CERS3: variants seen among roughly 807,000 people sequenced by gnomAD.
CERS3 encodes LAG1 homolog, ceramide synthase 3.
In CERS3, 33 loss-of-function variants were observed where a neutral mutation model predicts 50.3. The ratio of observed to expected loss-of-function variants is 0.66; its 90% CI spans 0.50 to 0.88. CERS3 has a LOEUF of 0.88. Ranked by LOEUF, CERS3 falls within the 40% of genes least tolerant of loss-of-function variation. The probability of loss-of-function intolerance (pLI) is 0.00; values close to 1 mark genes in which losing one functional copy is unlikely to be tolerated. For missense variants in CERS3, 470 were observed against 460.3 expected, an observed-to-expected ratio of 1.02 and a Z score of -0.19; for synonymous variants, 176 against 155.2, an observed-to-expected ratio of 1.13 and a Z score of -0.99.
At chr15:100,443,151 GTCC>G (rs1362647359) in intron 11 of CERS3, among the ~76,000 whole-genome samples, 11 of 149,990 alleles carry the variant, frequency 7.3e-5, no homozygotes, top group East Asian at 2.0e-4. Flanking sequence ...CCTCCTTTGC[GTCC>G]TCCTCTTGTA....
chr15:100,429,849 C>T (rs1243702337), intron 11 of CERS3, among the ~76,000 whole-genome samples: 1 of 152,132 alleles, frequency 6.6e-6, no homozygotes, highest in Admixed American at 6.5e-5. Context: ...ATTCCCACCA[C>T]TTTAATCTCC....
chr15:100,512,293 G>A (rs1169270775), intron 2 of CERS3, among the ~76,000 whole-genome samples: 1 of 152,212 alleles, frequency 6.6e-6, no homozygotes. Flanking sequence ...TTTGTCAGAA[G>A]AGGGTCATGT....
Position 100,402,617 on chromosome 15 carries a change from G to A in CERS3, c.*96C>T, listed in dbSNP as rs2030633349. On this transcript the variant is annotated 3_prime_UTR_variant, in exon 12 of 12. Transcript: ENST00000679737. ...GAGGGAAGGCGGTGGTGAGAAAGAG[G>A]GAAGGGCAGAATGTGGGGTCGGTGT... 2 of 1,236,218 alleles carry A rather than the reference G, an allele frequency of 1.6e-6. No individual in the cohort carries two copies. The highest frequency in any genetic ancestry group is 2.4e-5 in the Admixed American group (1 of 42,266). 76.6% of individuals were successfully genotyped at this position (1,236,218 alleles called of 1,614,324 possible).
chr15:100,408,425 T>C (rs2031227168), intron 11 of CERS3: 1 of 152,222 alleles, frequency 6.6e-6, no homozygotes, highest in African/African-American at 2.4e-5. Flanking sequence ...GCCAACTTCA[T>C]GACATTTTCT....
chr15:100,450,709 G>C (rs1408790754), intron 11 of CERS3, among the ~76,000 whole-genome samples: 1 of 152,180 alleles, frequency 6.6e-6, no homozygotes, highest in Non-Finnish European at 1.5e-5. Context: ...GAAGTTCAGA[G>C]ATTCACAAAT....
At chr15:100,440,601 T>C (rs1460081219) in intron 11 of CERS3, among the ~76,000 whole-genome samples, 1 of 152,198 alleles carries the variant, frequency 6.6e-6, no homozygotes, top group African/African-American at 2.4e-5. Flanking sequence ...CACACGGACG[T>C]GCGTGAAATT....
chr15:100,417,953 A>G (rs2032086203), intron 11 of CERS3, among the ~76,000 whole-genome samples: 1 of 152,112 alleles, frequency 6.6e-6, no homozygotes, highest in Admixed American at 6.5e-5. Flanking sequence ...TCAAAGACCA[A>G]AAGTAGATAA....
chr15:100,460,682 C>T (rs755400425), intron 10 of CERS3, among the ~76,000 whole-genome samples: 1 of 152,192 alleles, frequency 6.6e-6, no homozygotes, highest in Admixed American at 6.5e-5. Context: ...TTCCAAAGGC[C>T]GTGGCCAGGA....
At chr15:100,504,648 A>C (rs1450055544) in intron 2 of CERS3, among the ~76,000 whole-genome samples, 3 of 152,204 alleles carry the variant, frequency 2.0e-5, no homozygotes, top group Admixed American at 2.0e-4. Context: ...GATAATCAAC[A>C]AAGACTTAGT....
chr15:100,501,632 GAGCAA>G (rs1334811148), intron 3 of CERS3, 40 bp downstream of exon 3: 1 of 1,502,980 alleles, frequency 6.7e-7, no homozygotes, highest in African/African-American at 1.4e-5. Flanking sequence ...TCTAGTGTTA[GAGCAA>G]AGAGGGGGAA....
At chr15:100,429,513 G>T (rs1303844360) in intron 11 of CERS3, among the ~76,000 whole-genome samples, 3 of 152,298 alleles carry the variant, frequency 2.0e-5, no homozygotes, top group Admixed American at 2.0e-4. Context: ...TGTCTCTGCA[G>T]TCATTCACTA....
chr15:100,451,926 A>G (rs1158987299), intron 11 of CERS3, among the ~76,000 whole-genome samples: 1 of 152,238 alleles, frequency 6.6e-6, no homozygotes, highest in African/African-American at 2.4e-5. Flanking sequence ...CAACTCAGCA[A>G]GAAATACAAT....
chr15:100,442,563 A>G (rs992250058), intron 11 of CERS3, among the ~76,000 whole-genome samples: 2 of 152,202 alleles, frequency 1.3e-5, no homozygotes, highest in African/African-American at 4.8e-5. Flanking sequence ...GCTTGCTACA[A>G]GTGCCAGAAA....
chr15:100,531,936 A>C (rs1298440849), upstream of CERS3, among the ~76,000 whole-genome samples: 1 of 152,218 alleles, frequency 6.6e-6, no homozygotes, highest in Non-Finnish European at 1.5e-5. Context: ...TGTCGGGAGC[A>C]GTAGGGGTGC....
intron 10 of CERS3, among the ~76,000 whole-genome samples, chr15:100,468,099 A>G (rs2034844160): frequency 6.6e-6 from 1 of 151,976 alleles, no homozygotes; most frequent in African/African-American, 2.4e-5. Flanking sequence ...ACCAAGGAAA[A>G]TATCTGAGAC....
chr15:100,486,819 A>G (rs2035499714), intron 4 of CERS3, among the ~76,000 whole-genome samples: 1 of 152,226 alleles, frequency 6.6e-6, no homozygotes, highest in South Asian at 2.1e-4. Context: ...TGGGAGATTC[A>G]GTAGTGAGCA....
At chr15:100,507,873 T>C (rs1596784267) in intron 2 of CERS3, among the ~76,000 whole-genome samples, 1 of 152,248 alleles carries the variant, frequency 6.6e-6, no homozygotes, top group South Asian at 2.1e-4. Flanking sequence ...ATAGTCGCGG[T>C]CTCTCAGCTT....
intron 11 of CERS3, among the ~76,000 whole-genome samples, chr15:100,405,948 T>G (rs967340105): frequency 4.6e-5 from 7 of 152,280 alleles, no homozygotes; most frequent in Non-Finnish European, 7.3e-5. Flanking sequence ...GATATTTTTA[T>G]TACTTGTAAT....
At chr15:100,538,592 G>A (rs1216025973) in intron 1 of CERS3, among the ~76,000 whole-genome samples, 1 of 152,190 alleles carries the variant, frequency 6.6e-6, no homozygotes, top group African/African-American at 2.4e-5. Context: ...TTTTAACCAT[G>A]GCTGGCATGC....
Sources: gnomAD v4.1 joint callset for allele counts (sites outside exome capture counted in the v4.1 genomes callset) on GRCh38, gnomAD v4.1.1 for gene constraint, MANE v1.5 for transcripts, NCBI Gene and HGNC (gene_info 2026-07-23, HGNC 2026-07-21) for gene names.